The following ANKS6 variants were observed in gnomAD, a reference collection of about 807,000 sequenced individuals.
ANKS6 encodes the protein ankyrin repeat and SAM domain-containing protein 6.
ANKS6 carries 47 observed loss-of-function variants against 77.9 expected under a neutral mutation model. That is an observed-to-expected ratio of 0.60 (90% confidence interval 0.48 to 0.77). The LOEUF (loss-of-function observed/expected upper bound fraction) is 0.77. Ranked by LOEUF, ANKS6 falls within the 30% of genes least tolerant of loss-of-function variation. The pLI is 0.00. For missense variants in ANKS6, 1,150 were observed against 1,159.1 expected (o/e 0.99, Z 0.11); for synonymous variants, 488 against 501.7 (o/e 0.97, Z 0.37).
intron 14 of ANKS6, among the ~76,000 whole-genome samples, chr9:98,743,834 T>C (rs759253730): frequency 6.6e-6 from 1 of 152,250 alleles, no homozygotes; most frequent in South Asian, 2.1e-4. Flanking sequence ...GCCTGAGACA[T>C]AAAGGCTCTT....
Position 98,745,688 on chromosome 9 carries a change from A to G in ANKS6, c.2395-13T>C. 4 of 1,605,160 alleles carry G rather than the reference A, an allele frequency of 2.5e-6. No homozygotes were observed. Among genetic ancestry groups the G allele is most frequent in the African/African-American group, 1.3e-5 (1 of 74,848 alleles). ...CTTCCATGTCCACCTGGGGAGAGAG[A>G]GGGGATTTGCCACCATCTGCTGGAT... is the stretch of plus-strand genomic sequence containing the variant. On this transcript the variant is annotated splice_polypyrimidine_tract_variant and intron_variant, in intron 13 of 14. Transcript: ENST00000353234.
intron 13 of ANKS6, chr9:98,746,081 G>A (rs529768311): frequency 2.1e-4 from 37 of 172,540 alleles, no homozygotes; most frequent in African/African-American, 6.6e-4. Flanking sequence ...CACCACGCAC[G>A]AGACAGAGAC....
At chr9:98,736,770 A>C (rs764887651) in intron 14 of ANKS6, 147 bp from the exon 15 acceptor site, 3 of 1,040,710 alleles carry the variant, frequency 2.9e-6, no homozygotes, top group Non-Finnish European at 4.2e-6. Context: ...CTGAAAGAGT[A>C]CCGAGTTCAA....
In ANKS6 at chr9:98,736,383, G is replaced by A. The variant is rs1399145950; in HGVS notation, c.*136C>T. ...AGTACTACCAATGAATGCCGTCGAC[G>A]TGAAGTGGGCATCCCGAGCAAAGGG... On this transcript the variant is annotated 3_prime_UTR_variant, in exon 15 of 15. Transcript: ENST00000353234. The A allele has an allele frequency of 1.2e-5, 17 of 1,432,172 alleles. No homozygotes were observed. The highest frequency in any genetic ancestry group is 4.5e-5 in the South Asian group (3 of 66,226). The allele number at this position is 1,432,172 out of a possible 1,614,324, so 88.7% of individuals were successfully genotyped here.
chr9:98,779,672 CT>C (rs71369576), intron 6 of ANKS6, among the ~76,000 whole-genome samples: 1 of 150,930 alleles, frequency 6.6e-6, no homozygotes, highest in African/African-American at 2.4e-5. Context: ...AAGCTTTTTT[CT>C]TTTTTTTTGA....
At chr9:98,781,735 G>A (rs1364325065) in intron 5 of ANKS6, among the ~76,000 whole-genome samples, 1 of 152,194 alleles carries the variant, frequency 6.6e-6, no homozygotes, top group Non-Finnish European at 1.5e-5. Context: ...AGGGGCAGCA[G>A]GTGACTTGTG....
At position 98,736,088 on chromosome 9, in the gene ANKS6, A is replaced by G. The variant is rs1831482714; in HGVS notation, c.*431T>C. On this transcript the variant is annotated 3_prime_UTR_variant, in exon 15 of 15. Transcript: ENST00000353234. ...CTCCTCTGCATCCAGGTGGGGCCAC[A>G]TGACTACCAGTGGCCAAGAGGACGT... 2 of 1,161,796 alleles carry G rather than the reference A, an allele frequency of 1.7e-6. No homozygotes were observed. The highest frequency in any genetic ancestry group is 8.1e-5 in the South Asian group (2 of 24,578). 72.0% of individuals were successfully genotyped at this position (1,161,796 alleles called of 1,614,324 possible). A position where few individuals can be genotyped will look rare whatever the true frequency, so the allele number is the denominator to read the frequency against.
At chr9:98,764,346 G>A (rs1310089168) in intron 11 of ANKS6, among the ~76,000 whole-genome samples, 2 of 152,110 alleles carry the variant, frequency 1.3e-5, no homozygotes, top group Non-Finnish European at 2.9e-5. Flanking sequence ...TTACCCTATT[G>A]AGCATTCTGT....
intron 2 of ANKS6, among the ~76,000 whole-genome samples, chr9:98,785,228 T>C (rs916598295): frequency 1.6e-4 from 25 of 152,346 alleles, no homozygotes; most frequent in African/African-American, 5.3e-4. Context: ...TGGATTCCCA[T>C]GGACATTGTT....
chr9:98,790,530 T>A lies in ANKS6; in HGVS notation c.436A>T (p.Ser146Cys). ...CCCCGAGAAGCCACAGTGAGCACAC[T>A]GGCCCCCAGCCGGTTCTGGGCATTG... ...DVNAQNRLGA[S>C]VLTVASRGGH... Residue 146 changes from serine to cysteine, a missense_variant, in exon 2 of 15, where the codon AGT becomes TGT. By Grantham distance (112) the Ser-to-Cys change is moderately radical. Coordinates refer to ENST00000353234, the MANE Select transcript of ANKS6 (RefSeq NM_173551.5). 1 of 1,613,330 alleles carries A rather than the reference T, an allele frequency of 6.2e-7. No homozygotes were observed. The highest frequency in any genetic ancestry group is 8.5e-7 in the Non-Finnish European group (1 of 1,179,812).
chr9:98,777,766 T>G (rs1833997245), intron 7 of ANKS6, among the ~76,000 whole-genome samples: 1 of 152,146 alleles, frequency 6.6e-6, no homozygotes, highest in Non-Finnish European at 1.5e-5. Flanking sequence ...GAAGGGATCT[T>G]ATCTATGTTC....
chr9:98,735,033 G>C lies in ANKS6; in HGVS notation c.*1486C>G, dbSNP rs1284261699. 1.0e-6 allele frequency: 1 copy of C among 985,286 alleles called. No homozygotes were observed. The highest frequency in any genetic ancestry group is 6.1e-5 in the Admixed American group (1 of 16,268). The allele number at this position is 985,286 out of a possible 1,614,324, so 61.0% of individuals were successfully genotyped here. On this transcript the variant is annotated 3_prime_UTR_variant, in exon 15 of 15. Transcript: ENST00000353234. ...ATAGGGGAATGGGCTTTCATGGCTG[G>C]GGGAGGGACAGATGAGAGATGGCAC...
chr9:98,784,130 G>A lies in ANKS6; in HGVS notation c.935C>T (p.Ala312Val), dbSNP rs1333944365. 3 of 1,555,944 alleles carry A rather than the reference G, an allele frequency of 1.9e-6. No homozygotes were observed. The South Asian group carries it at 3.6e-5, about 19-fold the overall frequency. Residue 312 changes from alanine (A) to valine (V), a missense_variant, in exon 4 of 15, where the codon GCC becomes GTC. Ala to Val is a moderately conservative substitution (Grantham distance 64, BLOSUM62 0). Transcript: ENST00000353234. ...GTTCACGTGGCTGGGGTCTTCATCG[G>A]CAATCTCTTTGACCAGCTGGAAGTT... ...MGNFQLVKEI[A>V]DEDPSHVNLV...
Position 98,735,431 on chromosome 9 carries a change from A to T in ANKS6, c.*1088T>A. 1 of 1,182,374 alleles carries T rather than the reference A, an allele frequency of 8.5e-7. No individual in the cohort carries two copies. The highest frequency in any genetic ancestry group is 1.0e-6 in the Non-Finnish European group (1 of 958,330). The allele number at this position is 1,182,374 out of a possible 1,614,324, so 73.2% of individuals were successfully genotyped here. On this transcript the variant is annotated 3_prime_UTR_variant, in exon 15 of 15. Coordinates refer to ENST00000353234, the MANE Select transcript of ANKS6 (RefSeq NM_173551.5). ...CTTCAGAAAGCCAGTGGGTTTTAAAAGTCAGGGCCCCTCTAATTTAATAAA... is the reference window on the plus strand; with the variant it reads ...CTTCAGAAAGCCAGTGGGTTTTAAATGTCAGGGCCCCTCTAATTTAATAAA...
intron 2 of ANKS6, among the ~76,000 whole-genome samples, chr9:98,786,293 GT>G (rs376048676): frequency 0.01 from 1,341 of 129,596 alleles, 4 homozygotes; most frequent in Middle Eastern, 0.018. Flanking sequence ...CTCCAGAATT[GT>G]TTTTTTTTTT....
At chr9:98,757,924 T>C (rs1366582777) in intron 11 of ANKS6, among the ~76,000 whole-genome samples, 1 of 147,828 alleles carries the variant, frequency 6.8e-6, no homozygotes, top group African/African-American at 2.5e-5. Context: ...CGAGACTCTG[T>C]CTCAAAATAA....
rs1381970515 is a variant in ANKS6, at chr9:98,733,604, C to G, written c.*2915G>C. 1.0e-6 allele frequency: 1 copy of G among 985,354 alleles called. No individual in the cohort carries two copies. Among genetic ancestry groups the G allele is most frequent in the African/African-American group, 1.7e-5 (1 of 57,226 alleles). 61.0% of individuals were successfully genotyped at this position (985,354 alleles called of 1,614,324 possible). A position where few individuals can be genotyped will look rare whatever the true frequency, so the allele number is the denominator to read the frequency against. On this transcript the variant is annotated 3_prime_UTR_variant, in exon 15 of 15. Coordinates refer to ENST00000353234, the MANE Select transcript of ANKS6 (RefSeq NM_173551.5). The stretch of plus-strand genomic sequence containing the variant: ...CGCTGTTCCAGAAAAAGCGGGGCTT[C>G]TCCAATGGTGTCCAAGGAATTCCAG...
intron 11 of ANKS6, among the ~76,000 whole-genome samples, chr9:98,757,619 T>A (rs1274595063): frequency 6.6e-6 from 1 of 152,152 alleles, no homozygotes; most frequent in African/African-American, 2.4e-5. Context: ...CATTATAAAG[T>A]CACTATTTTT....
intron 12 of ANKS6, among the ~76,000 whole-genome samples, chr9:98,755,705 A>G (rs1297738171): frequency 6.6e-6 from 1 of 151,984 alleles, no homozygotes; most frequent in African/African-American, 2.4e-5. Flanking sequence ...TTGGACCCCA[A>G]CTCCGCTCCA....
Sources: allele counts gnomAD v4.1 joint callset (sites outside exome capture counted in the v4.1 genomes callset), GRCh38; gene constraint gnomAD v4.1.1; transcripts MANE v1.5; gene names NCBI Gene and HGNC (gene_info 2026-07-23, HGNC 2026-07-21).